PARVA: variants seen among roughly 807,000 people sequenced by gnomAD.
PARVA encodes parvin alpha, also known as alpha-parvin.
PARVA carries 25 observed loss-of-function variants against 52.6 expected under a neutral mutation model. The observed-to-expected ratio is 0.48, with a 90% confidence interval of 0.35 to 0.66. The LOEUF (loss-of-function observed/expected upper bound fraction) is 0.66. Among genes scored for constraint, PARVA ranks in the 30% least tolerant of loss-of-function variants. The pLI, the probability that PARVA is intolerant of heterozygous loss-of-function variation, is 0.01. For synonymous variants in PARVA, 185 were observed against 179.1 expected (o/e 1.03, Z -0.26); for missense variants, 373 against 450.9 (o/e 0.83, Z 1.56).
At chr11:12,523,747 A>G (rs1941667156) in intron 12 of PARVA, among the ~76,000 whole-genome samples, 1 of 152,198 alleles carries the variant, frequency 6.6e-6, no homozygotes, top group Non-Finnish European at 1.5e-5. Flanking sequence ...GAAGCCCCAT[A>G]GTCCTGGCTG....
intron 3 of PARVA, among the ~76,000 whole-genome samples, chr11:12,475,144 A>G (rs1469964782): frequency 6.6e-6 from 1 of 152,154 alleles, no homozygotes; most frequent in African/African-American, 2.4e-5. Flanking sequence ...CTACCCAGCA[A>G]CACAAGGATG....
intron 4 of PARVA, 45 bp downstream of exon 4, chr11:12,477,994 TGGTTG>T: frequency 1.9e-6 from 2 of 1,047,482 alleles, no homozygotes; most frequent in Non-Finnish European, 3.0e-6. Context: ...TAATTGCAGG[TGGTTG>T]GATCACCTAC....
At chr11:12,456,294 T>C (rs1394211314) in intron 1 of PARVA, among the ~76,000 whole-genome samples, 1 of 152,214 alleles carries the variant, frequency 6.6e-6, no homozygotes, top group Non-Finnish European at 1.5e-5. Context: ...CGCTTCATTA[T>C]AAACCTGTGA....
At chr11:12,525,865 T>C (rs1443052203) in intron 12 of PARVA, among the ~76,000 whole-genome samples, 1 of 151,942 alleles carries the variant, frequency 6.6e-6, no homozygotes, top group Non-Finnish European at 1.5e-5. Flanking sequence ...TGGAGCAGGG[T>C]TGGTCTATAA....
chr11:12,480,262 G>A (rs1290765372), intron 4 of PARVA: 1 of 151,402 alleles, frequency 6.6e-6, no homozygotes, highest in Non-Finnish European at 1.5e-5. Flanking sequence ...TGAATGAATG[G>A]CTAATGTAAT....
At position 12,529,029 on chromosome 11, in the gene PARVA, T is replaced by G. The variant is rs1941739667; in HGVS notation, c.*1104T>G. The G allele has an allele frequency of 6.6e-6, 1 of 152,646 alleles. No homozygotes were observed. The highest frequency in any genetic ancestry group is 1.5e-5 in the Non-Finnish European group (1 of 68,040). 9.5% of individuals were successfully genotyped at this position (152,646 alleles called of 1,614,324 possible). ...GCAGAGAGCTGGGCACGGGCCCATG[T>G]GAGCATCACTTTGGAAGTAGGGCTC... On this transcript the variant is annotated 3_prime_UTR_variant, in exon 13 of 13. Transcript: ENST00000334956.
At chr11:12,465,980 G>A (rs1940849242) in intron 1 of PARVA, among the ~76,000 whole-genome samples, 1 of 152,192 alleles carries the variant, frequency 6.6e-6, no homozygotes, top group South Asian at 2.1e-4. Context: ...GAAAGTTCCT[G>A]TTGCTCCACA....
chr11:12,487,798 A>G (rs1941179745), intron 4 of PARVA, among the ~76,000 whole-genome samples: 1 of 152,224 alleles, frequency 6.6e-6, no homozygotes, highest in Admixed American at 6.5e-5. Flanking sequence ...AAGGCATGGT[A>G]GAGAACGACT....
At chr11:12,378,183 T>C (rs1287824838) in intron 1 of PARVA, among the ~76,000 whole-genome samples, 10 of 152,098 alleles carry the variant, frequency 6.6e-5, no homozygotes, top group Admixed American at 6.5e-5. Context: ...AAGGCTGGCA[T>C]TTCCCAAGTT....
intron 5 of PARVA, among the ~76,000 whole-genome samples, chr11:12,502,579 A>G (rs1399614197): frequency 6.8e-6 from 1 of 147,034 alleles, no homozygotes; most frequent in East Asian, 2.0e-4. Context: ...CACATAAGGT[A>G]TAATAAAAAA....
Position 12,508,632 on chromosome 11 carries a change from G to A in PARVA, c.706G>A (p.Gly236Ser). 6.2e-7 allele frequency: 1 copy of A among 1,606,516 alleles called. No homozygotes were observed. Among genetic ancestry groups the A allele is most frequent in the Non-Finnish European group, 8.5e-7 (1 of 1,175,766 alleles). The change falls in exon 7 of 13, where the codon GGT (glycine) becomes AGT (serine). Residue 236 changes from glycine to serine, a missense_variant. Gly to Ser is a moderately conservative substitution (Grantham distance 56). Coordinates refer to ENST00000334956, the MANE Select transcript of PARVA (RefSeq NM_018222.5). ...QSRQIQEEIT[G>S]NTEALSGRHE... Reference sequence around the variant, plus strand: ...TCGGCAAATCCAAGAGGAAATAACTGGTAACACAGAGTATGTCAACACCAT... The same window carrying A: ...TCGGCAAATCCAAGAGGAAATAACTAGTAACACAGAGTATGTCAACACCAT...
chr11:12,487,850 A>G (rs983301196), intron 4 of PARVA, among the ~76,000 whole-genome samples: 5 of 152,210 alleles, frequency 3.3e-5, no homozygotes, highest in South Asian at 2.1e-4. Context: ...GTTTGTATGC[A>G]TAGAATATTT....
chr11:12,429,599 G>A (rs186031766), intron 1 of PARVA, among the ~76,000 whole-genome samples: 8 of 152,234 alleles, frequency 5.3e-5, no homozygotes, highest in African/African-American at 1.9e-4. Context: ...CTAACCTATG[G>A]TTAGCCATGA....
intron 1 of PARVA, among the ~76,000 whole-genome samples, chr11:12,385,297 C>A (rs1481025617): frequency 6.6e-6 from 1 of 152,056 alleles, no homozygotes; most frequent in Non-Finnish European, 1.5e-5. Context: ...CCACTGCACT[C>A]CAGTCTGTGT....
intron 1 of PARVA, among the ~76,000 whole-genome samples, chr11:12,429,962 T>C (rs1940293608): frequency 6.6e-6 from 1 of 152,244 alleles, no homozygotes; most frequent in South Asian, 2.1e-4. Flanking sequence ...TTTTCCTTTT[T>C]TTAATGTTAT....
At chr11:12,436,176 A>G (rs1374936374) in intron 1 of PARVA, among the ~76,000 whole-genome samples, 1 of 152,188 alleles carries the variant, frequency 6.6e-6, no homozygotes, top group African/African-American at 2.4e-5. Flanking sequence ...AGGATTAGGG[A>G]TAATGTGCAT....
intron 1 of PARVA, among the ~76,000 whole-genome samples, chr11:12,407,728 C>T (rs1331869664): frequency 6.6e-6 from 1 of 152,174 alleles, no homozygotes. Context: ...GTTCTCCCTG[C>T]ATCACTCTCA....
rs1941586044 is a variant in PARVA, at chr11:12,517,621, G to C, written c.879G>C (p.Gly293=). The C allele has an allele frequency of 6.3e-7, 1 of 1,596,726 alleles. No individual in the cohort carries two copies. Among genetic ancestry groups the C allele is most frequent in the East Asian group, 2.3e-5 (1 of 44,240 alleles). The change falls in exon 11 of 13, where the codon GGG becomes GGC. Residue 293 remains glycine (G), a synonymous_variant. Transcript: ENST00000334956. The part of the protein sequence containing the change: ...VTELETQFAD[G]VYLVLLMGLL... ...GGCTCTTCCTCCAGTTTGCAGATGG[G>C]GTGTACCTGGTGCTGCTCATGGGGC...
chr11:12,438,654 G>T (rs1940421620), intron 1 of PARVA, among the ~76,000 whole-genome samples: 1 of 152,064 alleles, frequency 6.6e-6, no homozygotes, highest in Non-Finnish European at 1.5e-5. Flanking sequence ...TCCACTAAGG[G>T]CCTACTTTGT....
Sources: gnomAD v4.1 joint callset for allele counts (sites outside exome capture counted in the v4.1 genomes callset) on GRCh38, gnomAD v4.1.1 for gene constraint, MANE v1.5 for transcripts, NCBI Gene and HGNC (gene_info 2026-07-23, HGNC 2026-07-21) for gene names.